Variants in GRID2 observed in about 807,000 individuals in gnomAD.
GRID2 encodes the protein glutamate ionotropic receptor delta type subunit 2, also known as glutamate receptor ionotropic, delta-2.
GRID2 carries 33 observed loss-of-function variants against 114.8 expected under a neutral mutation model. The ratio of observed to expected loss-of-function variants is 0.29; its 90% CI spans 0.22 to 0.38. The LOEUF (loss-of-function observed/expected upper bound fraction) is 0.38. GRID2 is among the 10% of genes least tolerant of loss of function. The probability of loss-of-function intolerance (pLI) is 1.00; values close to 1 mark genes in which losing one functional copy is unlikely to be tolerated. For missense variants in GRID2, 1,184 were observed against 1,257.7 expected (o/e 0.94, Z 0.89); for synonymous variants, 505 against 449.9 (o/e 1.12, Z -1.55).
intron 2 of GRID2, among the ~76,000 whole-genome samples, chr4:92,758,399 T>TA (rs1737832404): frequency 6.6e-6 from 1 of 152,154 alleles, no homozygotes; most frequent in Non-Finnish European, 1.5e-5. Context: ...CTTTTTTTGT[T>TA]ACGACAACTA....
At chr4:93,767,966 C>T (rs963828220) in intron 14 of GRID2, among the ~76,000 whole-genome samples, 1 of 152,146 alleles carries the variant, frequency 6.6e-6, no homozygotes, top group African/African-American at 2.4e-5. Flanking sequence ...CCTGGGAGGC[C>T]AGGTTTAAGT....
intron 2 of GRID2, among the ~76,000 whole-genome samples, chr4:92,999,050 A>C (rs1394986219): frequency 1.3e-5 from 2 of 151,812 alleles, no homozygotes; most frequent in Non-Finnish European, 2.9e-5. Flanking sequence ...TGGTGTCTCA[A>C]ACTGTTGCTC....
intron 1 of GRID2, among the ~76,000 whole-genome samples, chr4:92,313,565 G>A (rs1301583591): frequency 6.6e-6 from 1 of 152,038 alleles, no homozygotes; most frequent in Non-Finnish European, 1.5e-5. Context: ...TCCAAGACTA[G>A]GTCATTTAGC....
At chr4:93,669,649 A>G (rs1027072290) in intron 14 of GRID2, among the ~76,000 whole-genome samples, 5 of 152,160 alleles carry the variant, frequency 3.3e-5, no homozygotes, top group Non-Finnish European at 7.4e-5. Context: ...CTTGCATAAT[A>G]TTCACGCAAC....
chr4:93,606,384 A>G (rs887985381), intron 13 of GRID2, among the ~76,000 whole-genome samples: 3 of 152,222 alleles, frequency 2.0e-5, no homozygotes, highest in African/African-American at 7.2e-5. Flanking sequence ...ACAGCCATTT[A>G]GGGAATTTTA....
intron 4 of GRID2, among the ~76,000 whole-genome samples, chr4:93,199,362 T>C (rs977143435): frequency 5.3e-5 from 8 of 152,208 alleles, no homozygotes; most frequent in Admixed American, 5.2e-4. Flanking sequence ...CACAGGAAAG[T>C]TGGTCTATGC....
At chr4:92,786,514 T>A (rs1247717734) in intron 2 of GRID2, among the ~76,000 whole-genome samples, 4 of 151,804 alleles carry the variant, frequency 2.6e-5, no homozygotes, top group Non-Finnish European at 5.9e-5. Context: ...CAGGGACACA[T>A]AAATGATTGG....
At chr4:93,072,073 G>A (rs1262791228) in intron 2 of GRID2, among the ~76,000 whole-genome samples, 1 of 152,086 alleles carries the variant, frequency 6.6e-6, no homozygotes. Flanking sequence ...AAGCACTTAA[G>A]TATGTTATAG....
intron 1 of GRID2, among the ~76,000 whole-genome samples, chr4:92,363,940 T>A (rs982572744): frequency 4.7e-5 from 7 of 149,050 alleles, no homozygotes; most frequent in Non-Finnish European, 1.0e-4. Flanking sequence ...GTGTCTCAAC[T>A]CCCCAGGTAG....
chr4:93,741,174 C>CATATATATATATATATATACATATAT (rs1731347248), intron 14 of GRID2, among the ~76,000 whole-genome samples: 3 of 41,236 alleles, frequency 7.3e-5, no homozygotes, highest in African/African-American at 3.7e-4. Context: ...TATATATATA[C>CATATATATATATATATATACATATAT]ATATATATAT....
At chr4:92,928,533 T>C (rs1190804800) in intron 2 of GRID2, among the ~76,000 whole-genome samples, 1 of 151,682 alleles carries the variant, frequency 6.6e-6, no homozygotes, top group Non-Finnish European at 1.5e-5. Flanking sequence ...AATGTAGTTC[T>C]GCAGCATAAT....
At chr4:93,446,914 T>A (rs1337393092) in intron 10 of GRID2, among the ~76,000 whole-genome samples, 7 of 151,552 alleles carry the variant, frequency 4.6e-5, no homozygotes, top group Non-Finnish European at 7.4e-5. Flanking sequence ...TTGTGTCCTA[T>A]AGACACTGAA....
At chr4:93,695,221 G>C (rs1726916903) in intron 14 of GRID2, among the ~76,000 whole-genome samples, 1 of 151,482 alleles carries the variant, frequency 6.6e-6, no homozygotes, top group African/African-American at 2.4e-5. Flanking sequence ...GGGCACTGGA[G>C]GCTGGAAAGA....
At chr4:93,544,778 GAA>G (rs11301946) in intron 13 of GRID2, among the ~76,000 whole-genome samples, 542 of 117,314 alleles carry the variant, frequency 4.6e-3, no homozygotes, top group African/African-American at 0.014. Context: ...ACTCCCTCTG[GAA>G]AAAAAAAAAA....
intron 1 of GRID2, among the ~76,000 whole-genome samples, chr4:92,342,171 A>T (rs1210816000): frequency 6.6e-6 from 1 of 152,134 alleles, no homozygotes; most frequent in African/African-American, 2.4e-5. Flanking sequence ...GTAAATATGT[A>T]TGTGTGTGTA....
At chr4:92,436,750 A>G (rs988017734) in intron 1 of GRID2, among the ~76,000 whole-genome samples, 2 of 152,146 alleles carry the variant, frequency 1.3e-5, no homozygotes, top group Admixed American at 1.3e-4. Flanking sequence ...TTATTTCTAC[A>G]TACATTTAAT....
chr4:92,614,232 G>A (rs62307888), intron 2 of GRID2, among the ~76,000 whole-genome samples: 7,134 of 151,532 alleles, frequency 0.047, 208 homozygotes, highest in East Asian at 0.094. Flanking sequence ...TCTACTTTAT[G>A]CTTCCATGAG....
At chr4:92,540,610 T>C (rs530778219) in intron 1 of GRID2, among the ~76,000 whole-genome samples, 2 of 152,284 alleles carry the variant, frequency 1.3e-5, no homozygotes, top group South Asian at 4.1e-4. Flanking sequence ...CTTACACCAG[T>C]TAGAATGGCA....
At chr4:93,574,015 T>A (rs575051696) in intron 13 of GRID2, among the ~76,000 whole-genome samples, 1 of 152,278 alleles carries the variant, frequency 6.6e-6, no homozygotes, top group Admixed American at 6.5e-5. Context: ...TCAATAAGGA[T>A]GCTATAATCA....
Sources: allele counts gnomAD v4.1 joint callset (sites outside exome capture counted in the v4.1 genomes callset), GRCh38; gene constraint gnomAD v4.1.1; transcripts MANE v1.5; gene names NCBI Gene and HGNC (gene_info 2026-07-23, HGNC 2026-07-21).